SNTB2: variants seen among roughly 807,000 people sequenced by gnomAD.
SNTB2 encodes the protein syntrophin beta 2, also known as beta-2-syntrophin.
SNTB2 carries 34 observed loss-of-function variants against 46.2 expected under a neutral mutation model. The ratio of observed to expected loss-of-function variants is 0.74; its 90% CI spans 0.56 to 0.98. The LOEUF is 0.98. SNTB2 is among the 50% of genes least tolerant of loss of function. The pLI, the probability that SNTB2 is intolerant of heterozygous loss-of-function variation, is 0.00. For synonymous variants in SNTB2, 290 were observed against 312.6 expected (o/e 0.93, Z 0.76); for missense variants, 603 against 731.4 (o/e 0.82, Z 2.02).
At chr16:69,197,858 A>C (rs894391498) in intron 1 of SNTB2, among the ~76,000 whole-genome samples, 1 of 151,430 alleles carries the variant, frequency 6.6e-6, no homozygotes, top group Non-Finnish European at 1.5e-5. Flanking sequence ...AGTGTAGATA[A>C]TTTTTTTGAG....
intron 4 of SNTB2, among the ~76,000 whole-genome samples, chr16:69,273,937 G>T (rs1216496027): frequency 6.6e-6 from 1 of 152,098 alleles, no homozygotes; most frequent in East Asian, 1.9e-4. Context: ...CTGACACATT[G>T]TAACTGCTCA....
chr16:69,241,168 CTTTTTTTTTTTTTT>C (rs747664809), intron 1 of SNTB2, among the ~76,000 whole-genome samples: 2 of 59,286 alleles, frequency 3.4e-5, no homozygotes, highest in African/African-American at 7.0e-5. Context: ...CCTGGATAAG[CTTTTTTTTTTTTTT>C]TTTTTTTTTT....
rs781000945 is a variant in SNTB2 at position 69,300,973 on chromosome 16, A to C, written c.*49A>C. The stretch of plus-strand genomic sequence containing the variant: ...CTTGACTGTCACAAGAAATATTTCC[A>C]CCTCAAAAAAAAAAAAGCACAAAAA... On this transcript the variant is annotated 3_prime_UTR_variant, in exon 7 of 7. Transcript: ENST00000336278. The C allele has an allele frequency of 3.4e-5, 39 of 1,163,334 alleles. No homozygotes were observed. The highest frequency in any genetic ancestry group is 9.6e-5 in the East Asian group (4 of 41,506). The allele number at this position is 1,163,334 out of a possible 1,614,324, so 72.1% of individuals were successfully genotyped here. A position where few individuals can be genotyped will look rare whatever the true frequency, so the allele number is the denominator to read the frequency against.
chr16:69,292,534 C>T (rs1232949658), intron 5 of SNTB2, among the ~76,000 whole-genome samples: 10 of 143,684 alleles, frequency 7.0e-5, no homozygotes, highest in Admixed American at 3.5e-4. Context: ...CTCCGCCTCC[C>T]GGGTTCAAGC....
At chr16:69,264,165 A>G (rs967777744) in intron 3 of SNTB2, among the ~76,000 whole-genome samples, 6 of 152,106 alleles carry the variant, frequency 3.9e-5, no homozygotes, top group African/African-American at 7.2e-5. Flanking sequence ...TGCTGCTACT[A>G]TCTTGTCTCT....
rs1032986410 is a variant in SNTB2 at position 69,232,502 on chromosome 16, C to CTTT, written c.581-13075_581-13073dup. Among the ~76,000 whole-genome samples, 31 of 63,882 alleles carry CTTT rather than the reference C, an allele frequency of 4.9e-4. 7 individuals carry two copies. Among genetic ancestry groups the CTTT allele is most frequent in the African/African-American group, 1.5e-3 (20 of 13,674 alleles). 41.9% of individuals were successfully genotyped at this position (63,882 alleles called of 152,430 possible). On this transcript the variant is annotated intron_variant, in intron 1 of 6. Coordinates refer to ENST00000336278, the MANE Select transcript of SNTB2 (RefSeq NM_006750.4). The stretch of plus-strand genomic sequence containing the variant: ...TTACAGGTGTGAGCCACGGTGCGGC[C>CTTT]TTTTTTTTTTTTTTTTTTTTTTTTT...
At position 69,253,522 on chromosome 16, in the gene SNTB2, G is replaced by A. The variant is rs961687648; in HGVS notation, c.795-6528G>A. Reference sequence around the variant, plus strand: ...AAATTAGCCGGGCGTGGTGGCGGGCGCCTGTAGTCCCAGCTACTCGGGAGG... The same window carrying A: ...AAATTAGCCGGGCGTGGTGGCGGGCACCTGTAGTCCCAGCTACTCGGGAGG... On this transcript the variant is annotated intron_variant, in intron 2 of 6. Coordinates refer to ENST00000336278, the MANE Select transcript of SNTB2 (RefSeq NM_006750.4). 1.5e-4 allele frequency among the ~76,000 whole-genome samples: 23 copies of A among 151,992 alleles called. 1 individual carries two copies. The Middle Eastern group carries it at 0.021, about 136-fold the overall frequency.
chr16:69,255,208 C>T (rs1355405875), intron 2 of SNTB2, among the ~76,000 whole-genome samples: 1 of 151,920 alleles, frequency 6.6e-6, no homozygotes, highest in Non-Finnish European at 1.5e-5. Flanking sequence ...AGAGATCTTC[C>T]CGCCTCAGCC....
chr16:69,220,407 G>A (rs576210327), intron 1 of SNTB2, among the ~76,000 whole-genome samples: 2 of 151,760 alleles, frequency 1.3e-5, no homozygotes, highest in South Asian at 2.1e-4. Flanking sequence ...TGATCCTCCC[G>A]CCTCAGCCTC....
chr16:69,292,354 T>TA (rs1357008116), intron 5 of SNTB2, among the ~76,000 whole-genome samples: 4 of 36,298 alleles, frequency 1.1e-4, no homozygotes, highest in South Asian at 8.2e-4. Flanking sequence ...ACCTTATTTT[T>TA]TATATATATA....
intron 3 of SNTB2, among the ~76,000 whole-genome samples, chr16:69,262,263 G>A (rs977402997): frequency 6.6e-6 from 1 of 151,706 alleles, no homozygotes; most frequent in Non-Finnish European, 1.5e-5. Flanking sequence ...CAGTTCCTAA[G>A]TTTGGATAGT....
chr16:69,225,858 C>A (rs980509154), intron 1 of SNTB2, among the ~76,000 whole-genome samples: 3 of 151,976 alleles, frequency 2.0e-5, no homozygotes, highest in Non-Finnish European at 4.4e-5. Flanking sequence ...GCCTCCGCCT[C>A]CTGGGTTCAA....
At chr16:69,295,416 AT>A (rs1391522434) in intron 5 of SNTB2, among the ~76,000 whole-genome samples, 1 of 151,058 alleles carries the variant, frequency 6.6e-6, no homozygotes, top group African/African-American at 2.4e-5. Context: ...CTCCCGGCTA[AT>A]TTTTGTATTT....
At chr16:69,211,011 TAG>T (rs1964279249) in intron 1 of SNTB2, among the ~76,000 whole-genome samples, 1 of 152,106 alleles carries the variant, frequency 6.6e-6, no homozygotes. Context: ...ATATATTTTG[TAG>T]AGACAGGTTC....
At chr16:69,262,841 T>C (rs1964847908) in intron 3 of SNTB2, among the ~76,000 whole-genome samples, 1 of 151,992 alleles carries the variant, frequency 6.6e-6, no homozygotes, top group African/African-American at 2.4e-5. Flanking sequence ...CACACCCAGC[T>C]AATTTTTGTA....
intron 1 of SNTB2, among the ~76,000 whole-genome samples, chr16:69,236,296 A>G (rs1167954951): frequency 6.6e-6 from 1 of 152,174 alleles, no homozygotes; most frequent in East Asian, 1.9e-4. Flanking sequence ...GTGGCCTGGT[A>G]TGAGTTGGGG....
chr16:69,239,382 A>T (rs1444354561), intron 1 of SNTB2, among the ~76,000 whole-genome samples: 7 of 152,094 alleles, frequency 4.6e-5, no homozygotes, highest in Non-Finnish European at 7.4e-5. Context: ...TAAGGTATAC[A>T]GTTCTATGAA....
intron 3 of SNTB2, among the ~76,000 whole-genome samples, chr16:69,264,431 T>C (rs1485329207): frequency 2.0e-5 from 3 of 152,148 alleles, no homozygotes; most frequent in Non-Finnish European, 2.9e-5. Context: ...TATAATGAAA[T>C]ATAAAGATAC....
chr16:69,278,616 C>T (rs1031945232), intron 4 of SNTB2, among the ~76,000 whole-genome samples: 2 of 151,978 alleles, frequency 1.3e-5, no homozygotes, highest in African/African-American at 4.8e-5. Context: ...CCACCATGCC[C>T]GGCTAATTTT....
Sources: gnomAD v4.1 joint callset for allele counts (sites outside exome capture counted in the v4.1 genomes callset) on GRCh38, gnomAD v4.1.1 for gene constraint, MANE v1.5 for transcripts, NCBI Gene and HGNC (gene_info 2026-07-23, HGNC 2026-07-21) for gene names.